The following SYNGR2 variants were observed in gnomAD, a reference collection of about 807,000 sequenced individuals.
SYNGR2 encodes synaptogyrin-2.
A neutral mutation model predicts 18.7 loss-of-function variants in SYNGR2; 11 were observed. The ratio of observed to expected loss-of-function variants is 0.59; its 90% CI spans 0.37 to 0.97. The LOEUF (loss-of-function observed/expected upper bound fraction) is 0.97, where lower values mean the gene tolerates loss of function less well. Ranked by LOEUF, SYNGR2 falls within the 50% of genes least tolerant of loss-of-function variation. SYNGR2 has a pLI of 0.01. For synonymous variants in SYNGR2, 127 were observed against 131.0 expected (o/e 0.97, Z 0.21); for missense variants, 253 against 300.7 (o/e 0.84, Z 1.17).
At position 78,172,297 on chromosome 17, in the gene SYNGR2, G is replaced by A; in HGVS notation, c.*361G>A. ...CCCCCCGGCCCGGGTCAGGCCGTGG[G>A]AGCCGCTATTATCTGCGTTCTCTGC... On this transcript the variant is annotated 3_prime_UTR_variant, in exon 4 of 4. Coordinates refer to ENST00000225777, the MANE Select transcript of SYNGR2 (RefSeq NM_004710.7). The A allele has an allele frequency of 2.0e-6, 1 of 501,168 alleles. No homozygotes were observed. Among genetic ancestry groups the A allele is most frequent in the Non-Finnish European group, 3.5e-6 (1 of 281,996 alleles). 31.0% of individuals were successfully genotyped at this position (501,168 alleles called of 1,614,324 possible).
rs2075667723 is a variant in SYNGR2, at chr17:78,172,460, G to A, written c.*524G>A. The A allele has an allele frequency of 5.9e-6, 1 of 170,714 alleles. No individual in the cohort carries two copies. The highest frequency in any genetic ancestry group is 1.2e-5 in the Non-Finnish European group (1 of 80,034). The allele number at this position is 170,714 out of a possible 1,614,324, so 10.6% of individuals were successfully genotyped here. On this transcript the variant is annotated 3_prime_UTR_variant, in exon 4 of 4. Transcript: ENST00000225777. The stretch of plus-strand genomic sequence containing the variant: ...CACCACCCTGTGCCGGTGGCCTCTG[G>A]GCTGCCTCCCGTGGTGTGAGGGCGG...
chr17:78,170,781 G>A (rs747794994), intron 1 of SYNGR2, 36 bp from the exon 2 acceptor site: 21 of 1,581,764 alleles, frequency 1.3e-5, no homozygotes, highest in South Asian at 1.1e-4. Flanking sequence ...CCCCTCAGGC[G>A]GCCACCAGCC....
chr17:78,171,638 AT>A lies in SYNGR2; in HGVS notation c.467del (p.Ile156ThrfsTer91), dbSNP rs1292200242. ...AGCCATCACCTTCAGCTTCTTTTCC[AT>A]CTTCTCCTGGGTAGGATGGCCAGGG... is the stretch of plus-strand genomic sequence containing the variant. ...RAAITFSFFS[I>X]FSWGVLASLA... is the part of the protein sequence containing the mutation. On this transcript the variant is annotated frameshift_variant, in exon 3 of 4. Transcript: ENST00000225777. LOFTEE classifies it high-confidence loss of function. The surrounding 1 kb of genome is among the most constrained non-coding windows in gnomAD (Gnocchi z 6.6). The A allele has an allele frequency of 6.3e-7, 1 of 1,595,046 alleles. No homozygotes were observed. The highest frequency in any genetic ancestry group is 2.3e-5 in the East Asian group (1 of 44,388).
chr17:78,171,599 G>T lies in SYNGR2; in HGVS notation c.427G>T (p.Asp143Tyr). 1 of 1,566,420 alleles carries T rather than the reference G, an allele frequency of 6.4e-7. No individual in the cohort carries two copies. The highest frequency in any genetic ancestry group is 8.7e-7 in the Non-Finnish European group (1 of 1,153,902). ...TNPKDVLVGA[D>Y]SVRAAITFSF... ...CCCGAAGGACGTGCTGGTGGGGGCC[G>T]ACTCTGTGAGGGCAGCCATCACCTT... The change falls in exon 3 of 4, where the codon GAC (aspartate) becomes TAC (tyrosine). Residue 143 changes from aspartate to tyrosine, a missense_variant. Asp to Tyr is a radical substitution (Grantham distance 160, BLOSUM62 -3). Transcript: ENST00000225777. The surrounding 1 kb of genome is among the most constrained non-coding windows in gnomAD (Gnocchi z 6.6).
In SYNGR2 at chr17:78,171,348, G is replaced by A; in HGVS notation, c.338-162G>A. On this transcript the variant is annotated intron_variant, in intron 2 of 3. Coordinates refer to ENST00000225777, the MANE Select transcript of SYNGR2 (RefSeq NM_004710.7). This position sits in a 1 kb window ranked among gnomAD's most constrained non-coding sequence, Gnocchi z 6.6. ...CCCACCCTGCCAAGGCCCGAGTGTG[G>A]GGGACTTTGGAGGTGGCTCCCGGCC... The A allele has an allele frequency of 2.3e-6, 2 of 880,746 alleles. No individual in the cohort carries two copies. The highest frequency in any genetic ancestry group is 3.4e-6 in the Non-Finnish European group (2 of 593,810). The allele number at this position is 880,746 out of a possible 1,614,324, so 54.6% of individuals were successfully genotyped here. A position where few individuals can be genotyped will look rare whatever the true frequency, so the allele number is the denominator to read the frequency against.
Position 78,170,747 on chromosome 17 carries a change from C to G in SYNGR2, c.100-70C>G, listed in dbSNP as rs2075651423. On this transcript the variant is annotated intron_variant, in intron 1 of 3. Transcript: ENST00000225777. ...TGGGAGAGGCCAGCATCTGTACACC[C>G]CATCAGGGTCCCCGCTGTGTGTGCC... is the stretch of plus-strand genomic sequence containing the variant. The G allele has an allele frequency of 2.2e-6, 3 of 1,354,980 alleles. No homozygotes were observed. In the South Asian group the frequency reaches 3.6e-5, roughly 16 times the overall value. 83.9% of individuals were successfully genotyped at this position (1,354,980 alleles called of 1,614,324 possible).
Position 78,172,631 on chromosome 17 carries a change from CTCTG to C in SYNGR2, c.*701_*704del, listed in dbSNP as rs914085347. ...GCAGGGGTGCCCCATGGCTCCCAGA[CTCTG>C]TCTGTGCCGAGTGTATTATAAAATC... On this transcript the variant is annotated 3_prime_UTR_variant, in exon 4 of 4. Transcript: ENST00000225777. 3.9e-5 allele frequency: 6 copies of C among 152,638 alleles called. 1 individual carries two copies. The highest frequency in any genetic ancestry group is 1.2e-4 in the African/African-American group (5 of 41,470). The allele number at this position is 152,638 out of a possible 1,614,324, so 9.5% of individuals were successfully genotyped here.
chr17:78,170,623 T>A, intron 1 of SYNGR2, 194 bp from the exon 2 acceptor site: 1 of 640,168 alleles, frequency 1.6e-6, no homozygotes, highest in Non-Finnish European at 2.8e-6. Flanking sequence ...AGGCAGAGGA[T>A]GCAGTGAGCC....
Position 78,171,380 on chromosome 17 carries a change from C to T in SYNGR2, c.338-130C>T, listed in dbSNP as rs117414593. The T allele has an allele frequency of 8.2e-3, 10,095 of 1,225,174 alleles. 43 individuals are homozygous for T. Among genetic ancestry groups the T allele is most frequent in the Non-Finnish European group, 9.7e-3 (8,644 of 893,304 alleles). The allele number at this position is 1,225,174 out of a possible 1,614,324, so 75.9% of individuals were successfully genotyped here. ...TTGGAGGTGGCTCCCGGCCCGGCTT[C>T]CAAGTCCTCCCCTCCATAGTGTGGA... On this transcript the variant is annotated intron_variant, in intron 2 of 3. Coordinates refer to ENST00000225777, the MANE Select transcript of SYNGR2 (RefSeq NM_004710.7). This position sits in a 1 kb window ranked among gnomAD's most constrained non-coding sequence, Gnocchi z 6.6.
chr17:78,170,690 A>G (rs779866926), intron 1 of SYNGR2, 127 bp from the exon 2 acceptor site: 2 of 802,368 alleles, frequency 2.5e-6, no homozygotes, highest in African/African-American at 3.4e-5. Flanking sequence ...CATCTCAAAC[A>G]ACAACAAAAA....
Position 78,171,830 on chromosome 17 carries a change from C to T in SYNGR2, c.569C>T (p.Thr190Ile). 6.2e-7 allele frequency: 1 copy of T among 1,614,172 alleles called. No individual in the cohort carries two copies. Among genetic ancestry groups the T allele is most frequent in the Non-Finnish European group, 8.5e-7 (1 of 1,180,014 alleles). The change falls in exon 4 of 4, where the codon ACT becomes ATT. Residue 190 changes from threonine (T) to isoleucine (I), a missense_variant. Thr to Ile is a moderately conservative substitution (Grantham distance 89). Transcript: ENST00000225777. This position sits in a 1 kb window ranked among gnomAD's most constrained non-coding sequence, Gnocchi z 6.6. The stretch of plus-strand genomic sequence containing the variant: ...GTTGACCCCACTCCGGACCCCAACA[C>T]TGCCTACGCCTCCTACCCAGGTGCA... ...NYVDPTPDPN[T>I]AYASYPGASV...
In SYNGR2 at chr17:78,170,953, T is replaced by C. The variant is rs1024939656; in HGVS notation, c.236T>C (p.Phe79Ser). 6.2e-7 allele frequency: 1 copy of C among 1,612,946 alleles called. No individual in the cohort carries two copies. ...GGCAGTGCCATCGGGGTGCTGGCCT[T>C]CCTGGCCTCGGCCTTCTTCTTGGTG... Reference protein sequence around the residue: ...RYGSAIGVLAFLASAFFLVVD... With the variant: ...RYGSAIGVLASLASAFFLVVD... Residue 79 changes from phenylalanine (F) to serine (S), a missense_variant, in exon 2 of 4, where the codon TTC (phenylalanine) becomes TCC (serine). Coordinates refer to ENST00000225777, the MANE Select transcript of SYNGR2 (RefSeq NM_004710.7).
At position 78,171,262 on chromosome 17, in the gene SYNGR2, G is replaced by A. The variant is rs976187120; in HGVS notation, c.337+208G>A. ...TAGCTAGAAGCTGAGTGGACCTGCA[G>A]CACACCCGAGCAGATGGGCTTTGCC... On this transcript the variant is annotated intron_variant, in intron 2 of 3. Transcript: ENST00000225777. This position sits in a 1 kb window ranked among gnomAD's most constrained non-coding sequence, Gnocchi z 6.6. 10 of 660,406 alleles carry A rather than the reference G, an allele frequency of 1.5e-5. No individual in the cohort carries two copies. The highest frequency in any genetic ancestry group is 1.3e-4 in the African/African-American group (7 of 54,952). The allele number at this position is 660,406 out of a possible 1,614,324, so 40.9% of individuals were successfully genotyped here.
At position 78,170,962 on chromosome 17, in the gene SYNGR2, C is replaced by T. The variant is rs1285519802; in HGVS notation, c.245C>T (p.Ser82Leu). 4 of 1,613,232 alleles carry T rather than the reference C, an allele frequency of 2.5e-6. No individual in the cohort carries two copies. The highest frequency in any genetic ancestry group is 1.1e-5 in the South Asian group (1 of 91,080). Residue 82 changes from serine to leucine, a missense_variant, in exon 2 of 4, where the codon TCG (serine) becomes TTG (leucine). Physicochemically the swap from Ser to Leu is moderately radical, Grantham distance 145. Transcript: ENST00000225777. ...ATCGGGGTGCTGGCCTTCCTGGCCT[C>T]GGCCTTCTTCTTGGTGGTCGACGCG... ...SAIGVLAFLASAFFLVVDAYF... is the reference protein window; with the variant it reads ...SAIGVLAFLALAFFLVVDAYF...
Position 78,172,161 on chromosome 17 carries a change from T to C in SYNGR2, c.*225T>C, listed in dbSNP as rs1325747427. 1.0e-5 allele frequency: 11 copies of C among 1,063,618 alleles called. No individual in the cohort carries two copies. Among genetic ancestry groups the C allele is most frequent in the Admixed American group, 2.9e-5 (1 of 34,272 alleles). The allele number at this position is 1,063,618 out of a possible 1,614,324, so 65.9% of individuals were successfully genotyped here. A position where few individuals can be genotyped will look rare whatever the true frequency, so the allele number is the denominator to read the frequency against. On this transcript the variant is annotated 3_prime_UTR_variant, in exon 4 of 4. Coordinates refer to ENST00000225777, the MANE Select transcript of SYNGR2 (RefSeq NM_004710.7). ...GCCGCTCACTCCTCCAGGGCACTTT[T>C]AGGAAAGGGTTTTTAGCTAGTGTTT...
intron 1 of SYNGR2, chr17:78,169,251 A>C: frequency 9.8e-6 from 1 of 102,498 alleles, no homozygotes; most frequent in Non-Finnish European, 1.8e-5. Context: ...CTCCAAAACC[A>C]GGTTTTGTGT....
chr17:78,168,591 GCGGCGGCAGCGGCGGCGA>G lies in SYNGR2; in HGVS notation c.-20_-3del. The G allele has an allele frequency of 5.1e-6, 6 of 1,179,956 alleles. No individual in the cohort carries two copies. The highest frequency in any genetic ancestry group is 6.3e-6 in the Non-Finnish European group (6 of 949,900). 73.1% of individuals were successfully genotyped at this position (1,179,956 alleles called of 1,614,324 possible). On this transcript the variant is annotated 5_prime_UTR_variant, in exon 1 of 4. Transcript: ENST00000225777. ...CGGGCAGGTTCCTCTGCGTTCCGCG[GCGGCGGCAGCGGCGGCGA>G]CGGCGACATGGAGAGCGGGGCCTAC... is the stretch of plus-strand genomic sequence containing the variant.
chr17:78,168,563 C>A (rs1036758755), upstream of SYNGR2: 2 of 1,096,108 alleles, frequency 1.8e-6, no homozygotes, highest in Admixed American at 4.5e-5. Flanking sequence ...TCGGGCGGGG[C>A]GCCGGGCAGG....
chr17:78,171,556 C>T lies in SYNGR2; in HGVS notation c.384C>T (p.Asn128=), dbSNP rs781578409. The T allele has an allele frequency of 6.5e-7, 1 of 1,535,524 alleles. No homozygotes were observed. Among genetic ancestry groups the T allele is most frequent in the East Asian group, 2.3e-5 (1 of 44,216 alleles). ...LWFVGFCFLT[N]QWAVTNPKDV... ...TTGTTGGTTTCTGCTTCCTCACCAA[C>T]CAGTGGGCAGTCACCAACCCGAAGG... Residue 128 remains asparagine, a synonymous_variant, in exon 3 of 4, where the codon AAC becomes AAT. Coordinates refer to ENST00000225777, the MANE Select transcript of SYNGR2 (RefSeq NM_004710.7). The surrounding 1 kb of genome is among the most constrained non-coding windows in gnomAD (Gnocchi z 6.6).
Sources: gnomAD v4.1 joint callset for allele counts on GRCh38, gnomAD v4.1.1 for gene constraint, Gnocchi (gnomAD v3.1) non-coding constraint, MANE v1.5 for transcripts, NCBI Gene and HGNC (gene_info 2026-07-23, HGNC 2026-07-21) for gene names.